MED27: variants seen among roughly 807,000 people sequenced by gnomAD.
MED27 encodes mediator of RNA polymerase II transcription subunit 27.
In MED27, 30 loss-of-function variants were observed where a neutral mutation model predicts 38.2. The observed-to-expected ratio is 0.79, with a 90% CI of 0.59 to 1.07. The LOEUF (loss-of-function observed/expected upper bound fraction) is 1.07. MED27 is among the 50% of genes least tolerant of loss of function. MED27 has a pLI of 0.00. For missense variants in MED27, 289 were observed against 397.5 expected (o/e 0.73, Z 2.32); for synonymous variants, 122 against 153.5 (o/e 0.79, Z 1.52).
At chr9:131,957,047 G>T (rs11243575) in intron 3 of MED27, among the ~76,000 whole-genome samples, 3 of 152,198 alleles carry the variant, frequency 2.0e-5, no homozygotes, top group Non-Finnish European at 4.4e-5. Context: ...TGTCGGTGAG[G>T]ATGCAGAGCA....
At chr9:132,038,044 T>C (rs1176944822) in intron 2 of MED27, among the ~76,000 whole-genome samples, 1 of 151,894 alleles carries the variant, frequency 6.6e-6, no homozygotes, top group Non-Finnish European at 1.5e-5. Flanking sequence ...GTATGTCATC[T>C]ACAGCAGTAC....
At chr9:131,952,331 C>T (rs1295906456) in intron 3 of MED27, among the ~76,000 whole-genome samples, 3 of 152,212 alleles carry the variant, frequency 2.0e-5, no homozygotes, top group East Asian at 3.8e-4. Context: ...GCAGAGGCAC[C>T]AGCAGCAGAG....
chr9:131,995,485 C>T (rs900793120), intron 3 of MED27, among the ~76,000 whole-genome samples: 1 of 152,126 alleles, frequency 6.6e-6, no homozygotes, highest in Non-Finnish European at 1.5e-5. Flanking sequence ...CAACCATCAA[C>T]GTGGTGCAAG....
At chr9:131,999,990 A>G (rs1372500434) in intron 3 of MED27, among the ~76,000 whole-genome samples, 1 of 152,176 alleles carries the variant, frequency 6.6e-6, no homozygotes, top group Non-Finnish European at 1.5e-5. Flanking sequence ...AATCAGTACA[A>G]AATCAATCTA....
chr9:132,061,900 C>A (rs1244145037), intron 2 of MED27, among the ~76,000 whole-genome samples: 1 of 152,192 alleles, frequency 6.6e-6, no homozygotes, highest in East Asian at 1.9e-4. Flanking sequence ...CTGTTTGTAT[C>A]CCCAAACTAG....
chr9:131,885,874 A>G (rs1372143398), intron 5 of MED27, among the ~76,000 whole-genome samples: 1 of 152,174 alleles, frequency 6.6e-6, no homozygotes, highest in Non-Finnish European at 1.5e-5. Context: ...TGACTTTAAT[A>G]TATGAATTCA....
intron 3 of MED27, among the ~76,000 whole-genome samples, chr9:131,942,355 C>T (rs1830803801): frequency 6.6e-6 from 1 of 152,202 alleles, no homozygotes; most frequent in African/African-American, 2.4e-5. Context: ...ATGACAAAAA[C>T]ATCATGCCCA....
In MED27 at chr9:131,929,616, G is replaced by A. The variant is rs142984014; in HGVS notation, c.573+9765C>T. 4.9e-4 allele frequency among the ~76,000 whole-genome samples: 74 copies of A among 152,292 alleles called. No individual in the cohort carries two copies. The East Asian group carries it at 0.013, about 26-fold the overall frequency. ...CCCGGACTTTCAGTGAACATTGGCA[G>A]TGGCCTGGCAGAACTCCCCACGGAC... On this transcript the variant is annotated intron_variant, in intron 4 of 7. Coordinates refer to ENST00000292035, the MANE Select transcript of MED27 (RefSeq NM_004269.4).
intron 2 of MED27, among the ~76,000 whole-genome samples, chr9:132,052,328 G>A (rs1001661594): frequency 1.3e-5 from 2 of 152,236 alleles, no homozygotes; most frequent in African/African-American, 2.4e-5. Context: ...GTTGAATAAT[G>A]AAGGTTAAAT....
intron 5 of MED27, among the ~76,000 whole-genome samples, chr9:131,884,937 CATA>C (rs1839112697): frequency 6.6e-6 from 1 of 152,184 alleles, no homozygotes; most frequent in Non-Finnish European, 1.5e-5. Context: ...TTAAAGTTTT[CATA>C]ATATTTAAAA....
At chr9:132,020,156 G>A (rs1309353500) in intron 2 of MED27, among the ~76,000 whole-genome samples, 1 of 152,110 alleles carries the variant, frequency 6.6e-6, no homozygotes, top group Non-Finnish European at 1.5e-5. Context: ...GAGCAGTTGT[G>A]CTTCTGTCTA....
chr9:132,063,227 C>G (rs527628473), intron 2 of MED27, among the ~76,000 whole-genome samples: 39 of 152,146 alleles, frequency 2.6e-4, no homozygotes, highest in Non-Finnish European at 4.6e-4. Flanking sequence ...CTATAATAGG[C>G]CTTTTCCATT....
At chr9:131,959,437 G>A (rs754669705) in intron 3 of MED27, among the ~76,000 whole-genome samples, 20 of 152,106 alleles carry the variant, frequency 1.3e-4, no homozygotes, top group Admixed American at 7.9e-4. Context: ...TTAACCCAAA[G>A]CATATAGGGC....
chr9:131,993,369 A>G (rs759841279), intron 3 of MED27, among the ~76,000 whole-genome samples: 11 of 152,198 alleles, frequency 7.2e-5, no homozygotes, highest in Non-Finnish European at 1.3e-4. Flanking sequence ...CAGCAACAGT[A>G]TCACAGCTGA....
chr9:132,050,476 A>G (rs1157062556), intron 2 of MED27, among the ~76,000 whole-genome samples: 1 of 152,214 alleles, frequency 6.6e-6, no homozygotes, highest in Non-Finnish European at 1.5e-5. Context: ...TTTTGGCTGA[A>G]GGTGTCCAAT....
intron 4 of MED27, among the ~76,000 whole-genome samples, chr9:131,903,257 A>G (rs1281439295): frequency 2.0e-5 from 3 of 152,242 alleles, no homozygotes; most frequent in Non-Finnish European, 1.5e-5. Flanking sequence ...AGGCAAAGAG[A>G]GAGCTTGTGC....
At chr9:131,912,557 G>A (rs936085782) in intron 4 of MED27, among the ~76,000 whole-genome samples, 20 of 152,104 alleles carry the variant, frequency 1.3e-4, no homozygotes, top group African/African-American at 4.8e-4. Context: ...CCCGAGTCTG[G>A]AACCCACTGA....
intron 2 of MED27, among the ~76,000 whole-genome samples, chr9:132,034,601 G>A (rs565311489): frequency 6.6e-6 from 1 of 152,190 alleles, no homozygotes; most frequent in African/African-American, 2.4e-5. Flanking sequence ...TGGAACCTCA[G>A]CGCGATAGCT....
chr9:131,863,214 C>G (rs947969512), intron 6 of MED27, 74 bp from the exon 7 acceptor site: 3 of 1,209,688 alleles, frequency 2.5e-6, no homozygotes, highest in Non-Finnish European at 3.7e-6. Context: ...GACAAATGCA[C>G]GCCTTCTGTG....
Sources: gnomAD v4.1 joint callset for allele counts (sites outside exome capture counted in the v4.1 genomes callset) on GRCh38, gnomAD v4.1.1 for gene constraint, MANE v1.5 for transcripts, NCBI Gene and HGNC (gene_info 2026-07-23, HGNC 2026-07-21) for gene names.